Variants in FANCB observed in about 807,000 individuals in gnomAD.
FANCB encodes FA complementation group B, also known as Fanconi anemia group B protein.
A neutral mutation model predicts 38.9 loss-of-function variants in FANCB; 5 were observed. The observed-to-expected ratio is 0.13, with a 90% confidence interval of 0.07 to 0.27. FANCB has a LOEUF of 0.27. Ranked by LOEUF, FANCB falls within the 10% of genes least tolerant of loss-of-function variation. The pLI, the probability that FANCB is intolerant of heterozygous loss-of-function variation, is 1.00. For synonymous variants in FANCB, 236 were observed against 215.4 expected, an observed-to-expected ratio of 1.10 and a Z score of -0.84; for missense variants, 573 against 602.7, an observed-to-expected ratio of 0.95 and a Z score of 0.52.
chrX:14,715,569 T>C, the FANCB span, among the ~76,000 whole-genome samples: 2 of 111,388 alleles, frequency 1.8e-5, no homozygotes, highest in African/African-American at 6.5e-5. Flanking sequence ...TATGGAGACA[T>C]GTACTACAGG....
the FANCB span, among the ~76,000 whole-genome samples, chrX:14,809,477 T>A: frequency 1.8e-5 from 2 of 111,232 alleles, no homozygotes; most frequent in African/African-American, 6.6e-5. Context: ...ACTCCCACCC[T>A]AATACTGTGC....
the FANCB span, among the ~76,000 whole-genome samples, chrX:14,691,288 T>A: frequency 8.9e-4 from 85 of 95,501 alleles, no homozygotes; most frequent in African/African-American, 2.7e-3. Context: ...TGTGTGTGTG[T>A]GTGTGTGTGT....
the FANCB span, among the ~76,000 whole-genome samples, chrX:14,804,159 A>G: frequency 8.9e-6 from 1 of 112,056 alleles, no homozygotes; most frequent in Admixed American, 9.4e-5. Flanking sequence ...ACTATAAATC[A>G]TGCTGCTATA....
chrX:14,788,880 T>C, the FANCB span, among the ~76,000 whole-genome samples: 5 of 111,373 alleles, frequency 4.5e-5, no homozygotes, highest in South Asian at 7.6e-4. Context: ...CTATGTTGTA[T>C]CTGCAGACCC....
chrX:14,819,609 T>TTATTCTC, the FANCB span, among the ~76,000 whole-genome samples: 1 of 111,609 alleles, frequency 9.0e-6, no homozygotes, highest in Non-Finnish European at 1.9e-5. Context: ...TTGTGTTTGT[T>TTATTCTC]TATTCTCTAT....
At chrX:14,702,415 C>T in the FANCB span, among the ~76,000 whole-genome samples, 1 of 111,854 alleles carries the variant, frequency 8.9e-6, no homozygotes, top group Non-Finnish European at 1.9e-5. Flanking sequence ...CCCTGAAGCC[C>T]CTCCCTAGAG....
chrX:14,867,001 T>A (rs1265789092), intron 2 of FANCB, among the ~76,000 whole-genome samples: 3 of 110,157 alleles, frequency 2.7e-5, no homozygotes, highest in African/African-American at 9.9e-5. Context: ...CAAAAAAAAA[T>A]AAGATAACTA....
Position 14,845,317 on chromosome X carries a change from A to G in FANCB, c.1497-31T>C, listed in dbSNP as rs764644480. ...AAAAACCCAGACTTTGGTTTAATCT[A>G]AAAGCTCATTCTTTAAAATCAAATT... On this transcript the variant is annotated intron_variant, in intron 7 of 9. Coordinates refer to ENST00000650831, the MANE Select transcript of FANCB (RefSeq NM_001018113.3). The G allele has an allele frequency of 2.8e-5, 30 of 1,076,249 alleles. No homozygotes were observed. In the African/African-American group the frequency reaches 5.1e-4, roughly 18 times the overall value. 88.7% of individuals were successfully genotyped at this position (1,076,249 alleles called of 1,213,427 possible). A position where few individuals can be genotyped will look rare whatever the true frequency, so the allele number is the denominator to read the frequency against.
chrX:14,749,253 G>A, the FANCB span, among the ~76,000 whole-genome samples: 3 of 111,815 alleles, frequency 2.7e-5, no homozygotes, highest in Non-Finnish European at 5.6e-5. Context: ...CAGAATGAAT[G>A]TGGAAATAAG....
the FANCB span, among the ~76,000 whole-genome samples, chrX:14,828,335 T>C: frequency 3.6e-5 from 4 of 112,018 alleles, no homozygotes; most frequent in African/African-American, 9.7e-5. Flanking sequence ...TGTAATGCCA[T>C]TTCATTGCAT....
the FANCB span, among the ~76,000 whole-genome samples, chrX:14,749,571 T>C: frequency 8.9e-6 from 1 of 112,089 alleles, no homozygotes; most frequent in Non-Finnish European, 1.9e-5. Context: ...AACCCACCTT[T>C]AAATAAATTA....
the FANCB span, among the ~76,000 whole-genome samples, chrX:14,787,337 A>T: frequency 1.7e-4 from 19 of 110,139 alleles, no homozygotes; most frequent in Non-Finnish European, 3.2e-4. Flanking sequence ...CTTAAGTCGA[A>T]CTCATACAGA....
the FANCB span, among the ~76,000 whole-genome samples, chrX:14,817,447 A>T: frequency 7.2e-4 from 80 of 111,825 alleles, 1 homozygote; most frequent in East Asian, 0.018. Flanking sequence ...GTCCCAAATT[A>T]GGTAGGATAG....
At chrX:14,856,181 T>C (rs776613732) in intron 5 of FANCB, among the ~76,000 whole-genome samples, 7 of 112,164 alleles carry the variant, frequency 6.2e-5, no homozygotes, top group African/African-American at 1.9e-4. Context: ...GATGTATGTT[T>C]AGATTTGGAC....
At chrX:14,790,993 T>C in the FANCB span, among the ~76,000 whole-genome samples, 3 of 110,581 alleles carry the variant, frequency 2.7e-5, no homozygotes, top group African/African-American at 6.6e-5. Flanking sequence ...CTGGATCCCA[T>C]CCCTGATTAA....
At chrX:14,808,582 A>T in the FANCB span, among the ~76,000 whole-genome samples, 1 of 112,248 alleles carries the variant, frequency 8.9e-6, no homozygotes, top group Non-Finnish European at 1.9e-5. Flanking sequence ...TAAAAGCCAT[A>T]TTTGACAGAC....
the FANCB span, among the ~76,000 whole-genome samples, chrX:14,697,465 C>T: frequency 9.1e-6 from 1 of 110,358 alleles, no homozygotes; most frequent in African/African-American, 3.4e-5. Context: ...ATGGTGAAAT[C>T]GAAAAAATAA....
At chrX:14,800,026 T>C in the FANCB span, among the ~76,000 whole-genome samples, 1 of 111,992 alleles carries the variant, frequency 8.9e-6, no homozygotes, top group Admixed American at 9.5e-5. Context: ...GAACCAGAAC[T>C]TGATGATCTG....
the FANCB span, among the ~76,000 whole-genome samples, chrX:14,815,373 TA>T: frequency 4.9e-4 from 46 of 93,115 alleles, no homozygotes; most frequent in Admixed American, 8.0e-4. Context: ...CCATAAAAGG[TA>T]AAAAAAAAAA....
Sources: gnomAD v4.1 joint callset for allele counts (sites outside exome capture counted in the v4.1 genomes callset) on GRCh38, gnomAD v4.1.1 for gene constraint, MANE v1.5 for transcripts, NCBI Gene and HGNC (gene_info 2026-07-23, HGNC 2026-07-21) for gene names.